The following JPH2 variants were observed in gnomAD, a reference collection of about 807,000 sequenced individuals.
JPH2 encodes junctophilin-2.
In JPH2, 38 loss-of-function variants were observed where a neutral mutation model predicts 55.9. The ratio of observed to expected loss-of-function variants is 0.68; its 90% CI spans 0.52 to 0.89. The LOEUF is 0.89. Ranked by LOEUF, JPH2 falls within the 40% of genes least tolerant of loss-of-function variation. JPH2 has a pLI of 0.00. For missense variants in JPH2, 964 were observed against 1,037.6 expected (o/e 0.93, Z 0.97); for synonymous variants, 480 against 472.4 (o/e 1.02, Z -0.21).
chr20:44,155,191 G>A (rs1293238941), intron 2 of JPH2, among the ~76,000 whole-genome samples: 1 of 152,136 alleles, frequency 6.6e-6, no homozygotes, highest in Non-Finnish European at 1.5e-5. Flanking sequence ...CATTTTACAG[G>A]CATTAGCTCG....
At chr20:44,154,329 T>C (rs1161361141) in intron 2 of JPH2, among the ~76,000 whole-genome samples, 2 of 152,226 alleles carry the variant, frequency 1.3e-5, no homozygotes, top group Admixed American at 6.5e-5. Context: ...CATTTCAATA[T>C]GTAATCAATA....
At chr20:44,164,077 A>G (rs940958664) in intron 1 of JPH2, among the ~76,000 whole-genome samples, 11 of 151,872 alleles carry the variant, frequency 7.2e-5, no homozygotes, top group African/African-American at 2.4e-4. Flanking sequence ...TGACTTGCCC[A>G]AAGTCACACA....
intron 2 of JPH2, among the ~76,000 whole-genome samples, chr20:44,158,089 A>G (rs3912376): frequency 0.057 from 8,719 of 152,320 alleles, 759 homozygotes; most frequent in African/African-American, 0.18. Context: ...AGTGACTGGC[A>G]CATAGAGAAT....
chr20:44,182,752 C>T (rs2072796354), intron 1 of JPH2, among the ~76,000 whole-genome samples: 1 of 152,194 alleles, frequency 6.6e-6, no homozygotes, highest in South Asian at 2.1e-4. Context: ...TTGGAGATTA[C>T]ATGTATGTTT....
chr20:44,123,982 T>C (rs1217286919), intron 2 of JPH2, among the ~76,000 whole-genome samples: 1 of 152,040 alleles, frequency 6.6e-6, no homozygotes, highest in African/African-American at 2.4e-5. Context: ...CCACTCACCA[T>C]CTCTGGATCC....
rs11905877 is a variant in JPH2, at chr20:44,109,920, A to G, written c.*3598T>C. On this transcript the variant is annotated 3_prime_UTR_variant, in exon 6 of 6. Coordinates refer to ENST00000372980, the MANE Select transcript of JPH2 (RefSeq NM_020433.5). ...TCACTGCCCTGGAAGAGTCCTGCAG[A>G]GACCTCAAGGCAGTGGGCCAGCATT... Among the ~76,000 whole-genome samples, 16,755 of 152,180 alleles carry G rather than the reference A, an allele frequency of 0.11. 1,197 individuals carry two copies. The highest frequency in any genetic ancestry group is 0.21 in the African/African-American group (8,843 of 41,484).
chr20:44,125,962 C>CA lies in JPH2; in HGVS notation c.1170-7340dup, dbSNP rs1164710121. ...GCAACACAGTGAGACCCCGTCTCTACAAAAAATAAAAATAAAAACATTAGC... is the reference window on the plus strand; with the variant it reads ...GCAACACAGTGAGACCCCGTCTCTACAAAAAAATAAAAATAAAAACATTAGC... On this transcript the variant is annotated intron_variant, in intron 2 of 5. Transcript: ENST00000372980. Among the ~76,000 whole-genome samples, 12 of 151,654 alleles carry CA rather than the reference C, an allele frequency of 7.9e-5. No homozygotes were observed. The East Asian group carries it at 1.2e-3, about 15-fold the overall frequency.
At chr20:44,148,458 A>G (rs1421206129) in intron 2 of JPH2, among the ~76,000 whole-genome samples, 3 of 152,090 alleles carry the variant, frequency 2.0e-5, no homozygotes, top group African/African-American at 7.2e-5. Flanking sequence ...TTTCTGACAC[A>G]ATGGCCTTCC....
At chr20:44,156,593 C>T (rs1051778479) in intron 2 of JPH2, among the ~76,000 whole-genome samples, 1 of 152,124 alleles carries the variant, frequency 6.6e-6, no homozygotes, top group African/African-American at 2.4e-5. Context: ...GCACTTCGCA[C>T]ACTACATTCT....
In JPH2 at chr20:44,160,317, G is replaced by T; in HGVS notation, c.470C>A (p.Ser157Ter). 2 of 1,562,994 alleles carry T rather than the reference G, an allele frequency of 1.3e-6. No individual in the cohort carries two copies. The highest frequency in any genetic ancestry group is 1.7e-6 in the Non-Finnish European group (2 of 1,154,928). Residue 157 changes from serine (S) to a stop codon, truncating the protein, a stop_gained, in exon 2 of 6, where the codon TCG (serine) becomes TAG (stop). Coordinates refer to ENST00000372980, the MANE Select transcript of JPH2 (RefSeq NM_020433.5). LOFTEE classifies it high-confidence loss of function. The surrounding 1 kb of genome is among the most constrained non-coding windows in gnomAD (Gnocchi z 4.9). ...VPYGMAVVVR[S>*]PLRTSLSSLR... ...GGACGACAGCGACGTGCGCAGCGGC[G>T]AGCGCACCACCACGGCCATCCCGTA... is the stretch of plus-strand genomic sequence containing the variant.
chr20:44,166,118 T>A (rs554635310), intron 1 of JPH2, among the ~76,000 whole-genome samples: 3 of 152,380 alleles, frequency 2.0e-5, no homozygotes, highest in Admixed American at 6.5e-5. Flanking sequence ...AATGCATGAA[T>A]GAACAGCAGG....
chr20:44,164,197 T>C (rs2072637460), intron 1 of JPH2, among the ~76,000 whole-genome samples: 2 of 152,190 alleles, frequency 1.3e-5, no homozygotes, highest in African/African-American at 4.8e-5. Context: ...GAATGTGGTA[T>C]AGCTGATGAA....
At chr20:44,179,888 G>A (rs571133990) in intron 1 of JPH2, among the ~76,000 whole-genome samples, 9 of 152,194 alleles carry the variant, frequency 5.9e-5, no homozygotes, top group African/African-American at 7.2e-5. Context: ...AACAGGAGCC[G>A]TAACTACTTC....
intron 2 of JPH2, among the ~76,000 whole-genome samples, chr20:44,130,831 T>TG (rs948262688): frequency 6.6e-6 from 1 of 152,188 alleles, no homozygotes; most frequent in Non-Finnish European, 1.5e-5. Flanking sequence ...TTTCGTTTTT[T>TG]GGGGGGCCTC....
At chr20:44,179,419 G>A (rs146245509) in intron 1 of JPH2, among the ~76,000 whole-genome samples, 10 of 152,332 alleles carry the variant, frequency 6.6e-5, no homozygotes, top group Admixed American at 6.5e-4. Context: ...AGCCACTAGG[G>A]TAGTAGATGA....
intron 2 of JPH2, among the ~76,000 whole-genome samples, chr20:44,158,926 TG>T (rs2072584038): frequency 6.6e-6 from 1 of 151,934 alleles, no homozygotes; most frequent in African/African-American, 2.4e-5. Flanking sequence ...AGGTGATTGG[TG>T]GGTGAGGGGA....
At chr20:44,130,529 G>A (rs1242117299) in intron 2 of JPH2, among the ~76,000 whole-genome samples, 1 of 152,220 alleles carries the variant, frequency 6.6e-6, no homozygotes, top group Non-Finnish European at 1.5e-5. Flanking sequence ...GAAATGACAG[G>A]GAGGGAACCT....
In JPH2 at chr20:44,111,074, G is replaced by A. The variant is rs1480577118; in HGVS notation, c.*2444C>T. Among the ~76,000 whole-genome samples, 1 of 152,232 alleles carries A rather than the reference G, an allele frequency of 6.6e-6. No homozygotes were observed. The highest frequency in any genetic ancestry group is 1.9e-4 in the East Asian group (1 of 5,192). On this transcript the variant is annotated 3_prime_UTR_variant, in exon 6 of 6. Coordinates refer to ENST00000372980, the MANE Select transcript of JPH2 (RefSeq NM_020433.5). ...ACTGCTTTCCTGCCACCAACTTGCTGTGTGCGTGACCTTGGGCAAGTCCCT... is the reference window on the plus strand; with the variant it reads ...ACTGCTTTCCTGCCACCAACTTGCTATGTGCGTGACCTTGGGCAAGTCCCT...
At position 44,115,878 on chromosome 20, in the gene JPH2, C is replaced by A. The variant is rs748844158; in HGVS notation, c.1797G>T (p.Pro599=). ...VSGSESAPSS[P]ATAPLQAPTL... is the part of the protein sequence containing the mutation. ...TGGGGGCCTGCAGCGGGGCGGTGGC[C>A]GGGGACGAGGGCGCGGACTCGGACC... Residue 599 remains proline (P), a synonymous_variant, in exon 4 of 6, where the codon CCG becomes CCT. Transcript: ENST00000372980. 1 of 1,582,866 alleles carries A rather than the reference C, an allele frequency of 6.3e-7. No individual in the cohort carries two copies. Among genetic ancestry groups the A allele is most frequent in the East Asian group, 2.3e-5 (1 of 44,268 alleles).
Sources: allele counts gnomAD v4.1 joint callset (sites outside exome capture counted in the v4.1 genomes callset), GRCh38; gene constraint gnomAD v4.1.1; non-coding constraint Gnocchi (gnomAD v3.1); transcripts MANE v1.5; gene names NCBI Gene and HGNC (gene_info 2026-07-23, HGNC 2026-07-21).